Variants in MAGI2 observed in about 807,000 individuals in gnomAD.
MAGI2 encodes the protein membrane-associated guanylate kinase, WW and PDZ domain-containing protein 2.
A neutral mutation model predicts 133.3 loss-of-function variants in MAGI2; 35 were observed. The ratio of observed to expected loss-of-function variants is 0.26; its 90% CI spans 0.20 to 0.35. The LOEUF is 0.35. Among genes scored for constraint, MAGI2 ranks in the 10% least tolerant of loss-of-function variants. The pLI is 1.00. For missense variants in MAGI2, 1,636 were observed against 1,863.4 expected, an observed-to-expected ratio of 0.88 and a Z score of 2.25; for synonymous variants, 729 against 710.6, an observed-to-expected ratio of 1.03 and a Z score of -0.41.
chr7:79,434,122 A>G (rs1468186653), intron 1 of MAGI2, among the ~76,000 whole-genome samples: 1 of 148,834 alleles, frequency 6.7e-6, no homozygotes, highest in Non-Finnish European at 1.5e-5. Context: ...TCTTTTGGAG[A>G]AAAAAAAAAG....
At chr7:78,798,214 T>C (rs771794306) in intron 2 of MAGI2, among the ~76,000 whole-genome samples, 1 of 152,172 alleles carries the variant, frequency 6.6e-6, no homozygotes, top group Non-Finnish European at 1.5e-5. Context: ...GTGAAAACTA[T>C]GTATTTCTAT....
At chr7:79,237,604 T>G (rs890609222) in intron 1 of MAGI2, among the ~76,000 whole-genome samples, 2 of 152,232 alleles carry the variant, frequency 1.3e-5, no homozygotes, top group Non-Finnish European at 2.9e-5. Context: ...GGTATCTCCC[T>G]GTCTCCCGGT....
At chr7:78,371,302 C>G (rs1033414909) in intron 6 of MAGI2, among the ~76,000 whole-genome samples, 1 of 151,768 alleles carries the variant, frequency 6.6e-6, no homozygotes, top group Non-Finnish European at 1.5e-5. Context: ...AAAGAATATA[C>G]AGAGGACAGC....
At chr7:79,158,431 G>T (rs1824031559) in intron 1 of MAGI2, among the ~76,000 whole-genome samples, 1 of 151,634 alleles carries the variant, frequency 6.6e-6, no homozygotes. Context: ...ATAAATAATT[G>T]GCTTTAAAGT....
chr7:79,129,146 C>T (rs1282538319), intron 1 of MAGI2, among the ~76,000 whole-genome samples: 36 of 152,136 alleles, frequency 2.4e-4, no homozygotes, highest in Admixed American at 2.4e-3. Context: ...GGATTACAGG[C>T]GTGAGCCACC....
At chr7:78,371,585 C>T (rs1320172205) in intron 6 of MAGI2, among the ~76,000 whole-genome samples, 1 of 151,850 alleles carries the variant, frequency 6.6e-6, no homozygotes, top group East Asian at 1.9e-4. Flanking sequence ...GAGTAAATTA[C>T]TAGTTCTAAG....
At chr7:79,157,934 T>TTGTATGAGTGTG (rs1238092625) in intron 1 of MAGI2, among the ~76,000 whole-genome samples, 2 of 62,000 alleles carry the variant, frequency 3.2e-5, no homozygotes, top group African/African-American at 9.7e-5. Flanking sequence ...TACAGAATCT[T>TTGTATGAGTGTG]TGTGTGAGTG....
At chr7:78,390,367 T>C (rs929903443) in intron 6 of MAGI2, among the ~76,000 whole-genome samples, 2 of 152,216 alleles carry the variant, frequency 1.3e-5, no homozygotes, top group African/African-American at 2.4e-5. Flanking sequence ...GAGAGAAATA[T>C]GGATCAATGC....
At chr7:78,634,074 TTATAA>T (rs1235545749) in intron 2 of MAGI2, among the ~76,000 whole-genome samples, 3 of 152,196 alleles carry the variant, frequency 2.0e-5, no homozygotes, top group African/African-American at 7.2e-5. Flanking sequence ...AGGCTAACAC[TTATAA>T]TAAAGAAAAA....
At chr7:78,083,388 GA>G (rs1328699904) in intron 20 of MAGI2, among the ~76,000 whole-genome samples, 3,063 of 9,740 alleles carry the variant, frequency 0.31, 129 homozygotes, top group Non-Finnish European at 0.34. Flanking sequence ...GGGAGGGGGG[GA>G]GAGAGAGAGA....
intron 1 of MAGI2, among the ~76,000 whole-genome samples, chr7:79,422,179 A>G (rs1326327342): frequency 1.3e-5 from 2 of 152,012 alleles, no homozygotes; most frequent in Admixed American, 1.3e-4. Context: ...ATTCTACATG[A>G]CCTTTTAGGA....
chr7:78,826,525 T>A (rs1790668202), intron 2 of MAGI2, among the ~76,000 whole-genome samples: 1 of 152,052 alleles, frequency 6.6e-6, no homozygotes, highest in Admixed American at 6.6e-5. Flanking sequence ...GATGAATTGG[T>A]GAAGCACAGA....
intron 2 of MAGI2, chr7:78,940,939 C>A (rs1005233555): frequency 2.0e-5 from 3 of 152,080 alleles, no homozygotes; most frequent in South Asian, 2.1e-4. Flanking sequence ...TGTCTTCATT[C>A]GTACATAGAA....
At chr7:78,955,241 C>T (rs17392391) in intron 2 of MAGI2, among the ~76,000 whole-genome samples, 2,181 of 151,762 alleles carry the variant, frequency 0.014, 25 homozygotes, top group Non-Finnish European at 0.02. Context: ...GTTAAAAAAA[C>T]TATAGTAGAA....
intron 21 of MAGI2, among the ~76,000 whole-genome samples, chr7:78,067,939 T>C (rs1440593679): frequency 6.6e-6 from 1 of 152,246 alleles, no homozygotes; most frequent in East Asian, 1.9e-4. Context: ...AATGGATGAA[T>C]AGATGGAGCA....
chr7:78,138,446 A>C (rs1822389051), intron 16 of MAGI2, among the ~76,000 whole-genome samples: 1 of 152,138 alleles, frequency 6.6e-6, no homozygotes, highest in African/African-American at 2.4e-5. Context: ...GTGTGAAGTA[A>C]TTTCTTTGGG....
At chr7:78,046,413 A>ACC (rs1811436528) in intron 21 of MAGI2, among the ~76,000 whole-genome samples, 1 of 48,896 alleles carries the variant, frequency 2.0e-5, no homozygotes, top group Non-Finnish European at 4.0e-5. Context: ...AAAAAAAACA[A>ACC]AAAAAAAACA....
intron 1 of MAGI2, among the ~76,000 whole-genome samples, chr7:79,281,536 A>AG (rs5885124): frequency 0.58 from 87,930 of 151,756 alleles, 27,123 homozygotes; most frequent in Non-Finnish European, 0.68. Flanking sequence ...TAAGTTTAGA[A>AG]GAAAAAAAAG....
intron 3 of MAGI2, among the ~76,000 whole-genome samples, chr7:78,626,666 C>T (rs1469409182): frequency 1.3e-5 from 2 of 151,860 alleles, no homozygotes; most frequent in African/African-American, 4.8e-5. Context: ...TAGGAGGAAA[C>T]TGAAGGCCAG....
Sources: allele counts gnomAD v4.1 joint callset (sites outside exome capture counted in the v4.1 genomes callset), GRCh38; gene constraint gnomAD v4.1.1; transcripts MANE v1.5; gene names NCBI Gene and HGNC (gene_info 2026-07-23, HGNC 2026-07-21).